The following CSMD1 variants were observed in gnomAD, a reference collection of about 807,000 sequenced individuals.
CSMD1 encodes the protein CUB and sushi domain-containing protein 1.
Under a neutral mutation model 417.5 loss-of-function variants are expected in CSMD1, and 213 were observed. That is an observed-to-expected ratio of 0.51 (90% CI 0.46 to 0.57). The LOEUF is 0.57. CSMD1 is among the 20% of genes least tolerant of loss of function. The pLI, the probability that CSMD1 is intolerant of heterozygous loss-of-function variation, is 0.00. For synonymous variants in CSMD1, 2,862 were observed against 1,736.8 expected (o/e 1.65, Z -16.11); for missense variants, 6,923 against 4,529.7 (o/e 1.53, Z -15.17).
chr8:4,903,808 G>A (rs970514109), intron 1 of CSMD1, among the ~76,000 whole-genome samples: 2 of 152,172 alleles, frequency 1.3e-5, no homozygotes, highest in African/African-American at 4.8e-5. Context: ...CTGTTAGCCT[G>A]GCTCTTCAAA....
intron 47 of CSMD1, 29 bp from the exon 48 acceptor site, chr8:3,091,691 C>A: frequency 6.3e-7 from 1 of 1,595,208 alleles, no homozygotes; most frequent in South Asian, 1.1e-5. Context: ...CAAAAACATT[C>A]AGAGATGAGT....
intron 5 of CSMD1, among the ~76,000 whole-genome samples, chr8:3,858,502 T>G (rs1284945019): frequency 6.6e-6 from 1 of 152,158 alleles, no homozygotes; most frequent in Non-Finnish European, 1.5e-5. Flanking sequence ...TTTGTAGAAA[T>G]GGAAGGCCTA....
intron 3 of CSMD1, among the ~76,000 whole-genome samples, chr8:4,169,531 T>C (rs1797646378): frequency 6.6e-6 from 1 of 152,168 alleles, no homozygotes; most frequent in Admixed American, 6.5e-5. Flanking sequence ...CCAGATGAAA[T>C]GGCAGCCTCC....
chr8:3,266,372 G>A (rs1801431801), intron 26 of CSMD1, among the ~76,000 whole-genome samples: 1 of 151,832 alleles, frequency 6.6e-6, no homozygotes, highest in South Asian at 2.1e-4. Flanking sequence ...GTGGGAGGCT[G>A]AGGCGGGTGG....
intron 3 of CSMD1, among the ~76,000 whole-genome samples, chr8:4,190,282 A>G (rs1563247593): frequency 6.8e-6 from 1 of 147,086 alleles, no homozygotes; most frequent in Non-Finnish European, 1.5e-5. Flanking sequence ...AAAAGCAGAG[A>G]CTCTGGGTCT....
At chr8:4,955,173 C>A (rs1237720262) in intron 1 of CSMD1, among the ~76,000 whole-genome samples, 1 of 152,088 alleles carries the variant, frequency 6.6e-6, no homozygotes, top group Non-Finnish European at 1.5e-5. Context: ...GAGTGCAGAC[C>A]TACGGGGCTG....
In CSMD1 at chr8:3,275,148, T is replaced by G. The variant is rs181848779; in HGVS notation, c.4153+8996A>C. Among the ~76,000 whole-genome samples, 405 of 152,300 alleles carry G rather than the reference T, an allele frequency of 2.7e-3. 2 individuals carry two copies. Among genetic ancestry groups the G allele is most frequent in the African/African-American group, 9.4e-3 (391 of 41,574 alleles). On this transcript the variant is annotated intron_variant, in intron 26 of 69. Transcript: ENST00000635120. ...GGTAGTGACAAAATCTCTCAGCATTTGCTTGTCTGTAAAGTATTTTATTTC... is the reference window on the plus strand; with the variant it reads ...GGTAGTGACAAAATCTCTCAGCATTGGCTTGTCTGTAAAGTATTTTATTTC...
At chr8:3,051,850 C>A (rs1332278369) in intron 50 of CSMD1, among the ~76,000 whole-genome samples, 1 of 152,094 alleles carries the variant, frequency 6.6e-6, no homozygotes, top group African/African-American at 2.4e-5. Context: ...GTGGGTTTTG[C>A]ATAACAGACT....
rs1054579329 is a variant in CSMD1 at position 4,185,802 on chromosome 8, C to G, written c.416-153703G>C. ...GGAAATGTGTAAGATGAGTGGCAGA[C>G]CCAGTGCCAGAGTCAGAAAGTGCCC... is the stretch of plus-strand genomic sequence containing the variant. On this transcript the variant is annotated intron_variant, in intron 3 of 69. Coordinates refer to ENST00000635120, the MANE Select transcript of CSMD1 (RefSeq NM_033225.6). Among the ~76,000 whole-genome samples, 2 of 152,140 alleles carry G rather than the reference C, an allele frequency of 1.3e-5. 1 individual carries two copies. Among genetic ancestry groups the G allele is most frequent in the South Asian group, 4.1e-4 (2 of 4,828 alleles).
intron 2 of CSMD1, among the ~76,000 whole-genome samples, chr8:4,514,663 A>G (rs10503264): frequency 0.27 from 40,441 of 152,108 alleles, 6,308 homozygotes; most frequent in Admixed American, 0.41. Context: ...AAAAAAGTAG[A>G]CCTCAACTAC....
rs553886660 is a variant in CSMD1, at chr8:4,545,989, C to A, written c.302+91353G>T. Reference sequence around the variant, plus strand: ...CGCCTGAATCCCCTTCTTATGACCCCCTTCTACTGCATTCCATCCACAGCT... The same window carrying A: ...CGCCTGAATCCCCTTCTTATGACCCACTTCTACTGCATTCCATCCACAGCT... On this transcript the variant is annotated intron_variant, in intron 2 of 69. Transcript: ENST00000635120. 1.6e-3 allele frequency among the ~76,000 whole-genome samples: 246 copies of A among 152,240 alleles called. 1 individual carries two copies. The highest frequency in any genetic ancestry group is 3.1e-3 in the Non-Finnish European group (214 of 68,020).
chr8:3,874,519 G>A (rs954880273), intron 5 of CSMD1, among the ~76,000 whole-genome samples: 2 of 152,074 alleles, frequency 1.3e-5, no homozygotes, highest in Admixed American at 6.6e-5. Context: ...ACATGCTGTC[G>A]GCGTTCATTG....
intron 3 of CSMD1, among the ~76,000 whole-genome samples, chr8:4,186,077 C>T (rs2131194707): frequency 6.6e-6 from 1 of 152,230 alleles, no homozygotes; most frequent in South Asian, 2.1e-4. Flanking sequence ...GAAGACGCAG[C>T]TGTTAGAGGA....
chr8:4,374,968 G>GC (rs1327040269), intron 3 of CSMD1, among the ~76,000 whole-genome samples: 2 of 133,858 alleles, frequency 1.5e-5, no homozygotes, highest in Non-Finnish European at 3.2e-5. Context: ...GGGTGGGGGG[G>GC]GGGGGCGATA....
chr8:3,795,142 T>TATCATGTAGAGATATAGATAC (rs1563087105), intron 5 of CSMD1, among the ~76,000 whole-genome samples: 2 of 67,532 alleles, frequency 3.0e-5, no homozygotes, highest in African/African-American at 1.1e-4. Flanking sequence ...GCTATAGATA[T>TATCATGTAGAGATATAGATAC]CTATCATGTA....
intron 3 of CSMD1, among the ~76,000 whole-genome samples, chr8:4,209,387 C>T (rs765462720): frequency 3.3e-5 from 5 of 152,078 alleles, no homozygotes; most frequent in Non-Finnish European, 4.4e-5. Flanking sequence ...CTTCTGATGC[C>T]GAAGACTCTC....
At chr8:3,874,722 C>T (rs752666817) in intron 5 of CSMD1, among the ~76,000 whole-genome samples, 2 of 152,106 alleles carry the variant, frequency 1.3e-5, no homozygotes, top group Non-Finnish European at 2.9e-5. Flanking sequence ...CTGGCGCCCA[C>T]TGCTCTTGGC....
intron 5 of CSMD1, among the ~76,000 whole-genome samples, chr8:3,895,067 G>C (rs1356657780): frequency 6.6e-6 from 1 of 152,184 alleles, no homozygotes; most frequent in African/African-American, 2.4e-5. Context: ...AGTACAGCCA[G>C]TGGTCATTAT....
At chr8:4,371,666 A>G (rs188009461) in intron 3 of CSMD1, among the ~76,000 whole-genome samples, 3 of 152,270 alleles carry the variant, frequency 2.0e-5, no homozygotes, top group East Asian at 1.9e-4. Flanking sequence ...TAAAGTTCTT[A>G]TATCTTAAAG....
Sources: allele counts gnomAD v4.1 joint callset (sites outside exome capture counted in the v4.1 genomes callset), GRCh38; gene constraint gnomAD v4.1.1; transcripts MANE v1.5; gene names NCBI Gene and HGNC (gene_info 2026-07-23, HGNC 2026-07-21).